ATG10: variants seen among roughly 807,000 people sequenced by gnomAD.
ATG10 encodes the protein ubiquitin-like-conjugating enzyme ATG10.
In ATG10, 30 loss-of-function variants were observed where a neutral mutation model predicts 32.1. The ratio of observed to expected loss-of-function variants is 0.94; its 90% confidence interval spans 0.70 to 1.27. The LOEUF (loss-of-function observed/expected upper bound fraction) is 1.27. Among genes scored for constraint, ATG10 ranks in the 50% most tolerant of loss-of-function variants. The probability of loss-of-function intolerance (pLI) is 0.00; values close to 1 mark genes in which losing one functional copy is unlikely to be tolerated. For missense variants in ATG10, 233 were observed against 262.3 expected (o/e 0.89, Z 0.77); for synonymous variants, 87 against 91.5 (o/e 0.95, Z 0.28).
At chr5:82,163,134 G>C (rs1006758923) in intron 3 of ATG10, among the ~76,000 whole-genome samples, 2 of 152,114 alleles carry the variant, frequency 1.3e-5, no homozygotes, top group Non-Finnish European at 2.9e-5. Flanking sequence ...TGATGTAATA[G>C]AAGGTACAGA....
chr5:82,001,753 A>G (rs1043613016), intron 2 of ATG10, among the ~76,000 whole-genome samples: 1 of 152,246 alleles, frequency 6.6e-6, no homozygotes, highest in Non-Finnish European at 1.5e-5. Flanking sequence ...TGAAGATGCC[A>G]AAAGCAATTG....
At chr5:82,138,319 A>C (rs1036083540) in intron 3 of ATG10, among the ~76,000 whole-genome samples, 1 of 151,260 alleles carries the variant, frequency 6.6e-6, no homozygotes, top group African/African-American at 2.4e-5. Context: ...CCAAATGGCC[A>C]CTCTGTTTTG....
chr5:82,060,478 A>G (rs185963619), intron 3 of ATG10, among the ~76,000 whole-genome samples: 183 of 152,352 alleles, frequency 1.2e-3, no homozygotes, highest in African/African-American at 4.2e-3. Flanking sequence ...GAAATATACA[A>G]TAGTAATGGA....
intron 5 of ATG10, among the ~76,000 whole-genome samples, chr5:82,220,606 C>T (rs973787398): frequency 6.6e-6 from 1 of 151,106 alleles, no homozygotes. Context: ...AACTTCTCTC[C>T]CTCATGTACT....
intron 5 of ATG10, among the ~76,000 whole-genome samples, chr5:82,193,542 T>C (rs1234122661): frequency 2.0e-5 from 3 of 152,214 alleles, no homozygotes; most frequent in Non-Finnish European, 2.9e-5. Flanking sequence ...AGCCTTAGAC[T>C]GTAGAAGGTC....
chr5:82,162,541 G>A (rs954129939), intron 3 of ATG10, among the ~76,000 whole-genome samples: 2 of 152,072 alleles, frequency 1.3e-5, no homozygotes, highest in African/African-American at 2.4e-5. Flanking sequence ...TCCACCCTTA[G>A]GAATCTGCAC....
intron 2 of ATG10, among the ~76,000 whole-genome samples, chr5:82,033,967 TAG>T (rs1762826320): frequency 6.8e-6 from 1 of 147,792 alleles, no homozygotes; most frequent in South Asian, 2.1e-4. Context: ...TATACATATA[TAG>T]TATATATACA....
intron 3 of ATG10, among the ~76,000 whole-genome samples, chr5:82,116,639 G>T (rs1032714792): frequency 6.6e-6 from 1 of 151,988 alleles, no homozygotes; most frequent in African/African-American, 2.4e-5. Flanking sequence ...TTATATTATT[G>T]CCTCACTAGG....
At chr5:82,012,511 A>C (rs1310037704) in intron 2 of ATG10, among the ~76,000 whole-genome samples, 2 of 152,216 alleles carry the variant, frequency 1.3e-5, no homozygotes, top group East Asian at 3.8e-4. Context: ...TCACATAGGC[A>C]ACCCTGACCT....
chr5:82,077,439 A>G (rs1764313626), intron 3 of ATG10, among the ~76,000 whole-genome samples: 1 of 152,196 alleles, frequency 6.6e-6, no homozygotes, highest in Admixed American at 6.5e-5. Flanking sequence ...AAATGAGAGA[A>G]ACTAGCATTT....
At chr5:82,079,395 C>G (rs1295479052) in intron 3 of ATG10, among the ~76,000 whole-genome samples, 1 of 150,532 alleles carries the variant, frequency 6.6e-6, no homozygotes, top group Admixed American at 6.6e-5. Flanking sequence ...ACTTTAAGTT[C>G]TAGGGTACAT....
intron 5 of ATG10, among the ~76,000 whole-genome samples, chr5:82,184,499 C>T (rs865801495): frequency 6.6e-6 from 1 of 151,970 alleles, no homozygotes. Flanking sequence ...TAATATCTAC[C>T]CCAGGGGCTC....
intron 5 of ATG10, among the ~76,000 whole-genome samples, chr5:82,179,798 C>G (rs1426999240): frequency 1.3e-5 from 2 of 152,088 alleles, no homozygotes; most frequent in Non-Finnish European, 2.9e-5. Context: ...TGTGTTTGAT[C>G]ATAATGACAG....
chr5:82,027,802 T>C (rs1011682745), intron 2 of ATG10, among the ~76,000 whole-genome samples: 6 of 152,226 alleles, frequency 3.9e-5, no homozygotes, highest in Admixed American at 1.3e-4. Flanking sequence ...CAAATTTGGA[T>C]GTATGTGCTC....
At chr5:82,016,994 C>T (rs1187391018) in intron 2 of ATG10, among the ~76,000 whole-genome samples, 1 of 152,098 alleles carries the variant, frequency 6.6e-6, no homozygotes. Context: ...CCAGCCCCAG[C>T]AGTTTGGTCA....
At chr5:82,018,730 G>A (rs1304693465) in intron 2 of ATG10, among the ~76,000 whole-genome samples, 1 of 152,090 alleles carries the variant, frequency 6.6e-6, no homozygotes, top group Non-Finnish European at 1.5e-5. Flanking sequence ...CAGGTCCTTT[G>A]TGTGGTTGCT....
chr5:82,188,188 G>A (rs904729541), intron 5 of ATG10, among the ~76,000 whole-genome samples: 2 of 152,204 alleles, frequency 1.3e-5, no homozygotes, highest in South Asian at 2.1e-4. Context: ...CAGGATGCTG[G>A]ATTTGGGTCT....
intron 3 of ATG10, among the ~76,000 whole-genome samples, chr5:82,109,325 G>A (rs1241700928): frequency 6.6e-6 from 1 of 152,014 alleles, no homozygotes; most frequent in Non-Finnish European, 1.5e-5. Context: ...TGTTCACTCA[G>A]GAGACCAGAC....
chr5:82,069,683 C>T (rs944394393), intron 3 of ATG10, among the ~76,000 whole-genome samples: 17 of 152,142 alleles, frequency 1.1e-4, no homozygotes, highest in South Asian at 2.1e-4. Flanking sequence ...CAATATACTG[C>T]GAACTTAACT....
Sources: gnomAD v4.1 joint callset for allele counts (sites outside exome capture counted in the v4.1 genomes callset) on GRCh38, gnomAD v4.1.1 for gene constraint, MANE v1.5 for transcripts, NCBI Gene and HGNC (gene_info 2026-07-23, HGNC 2026-07-21) for gene names.